Variants in WAPL observed in about 807,000 individuals in gnomAD.
The protein encoded by WAPL is wings apart-like protein homolog.
A neutral mutation model predicts 121.0 loss-of-function variants in WAPL; 5 were observed. That is an observed-to-expected ratio of 0.04 (90% confidence interval 0.02 to 0.09). WAPL has a LOEUF of 0.09. Among genes scored for constraint, WAPL ranks in the 10% least tolerant of loss-of-function variants. WAPL has a pLI of 1.00. For synonymous variants in WAPL, 480 were observed against 481.5 expected (o/e 1.00, Z 0.04); for missense variants, 999 against 1,410.8 (o/e 0.71, Z 4.68).
intron 9 of WAPL, among the ~76,000 whole-genome samples, chr10:86,464,228 A>G (rs959628041): frequency 1.3e-5 from 2 of 152,336 alleles, no homozygotes; most frequent in South Asian, 2.1e-4. Flanking sequence ...ATTAGTGGGG[A>G]AAAGAGGAAT....
intron 16 of WAPL, 170 bp from the exon 17 acceptor site, chr10:86,443,533 G>A (rs1035968133): frequency 1.7e-4 from 82 of 489,774 alleles, no homozygotes; most frequent in Non-Finnish European, 1.8e-4. Context: ...ATGAAATAGG[G>A]ATCCAAAAGA....
At chr10:86,473,402 CATTCTGGAGAAA>C (rs540112623) in intron 5 of WAPL, among the ~76,000 whole-genome samples, 1 of 152,296 alleles carries the variant, frequency 6.6e-6, no homozygotes, top group East Asian at 1.9e-4. Context: ...TATTACCAGT[CATTCTGGAGAAA>C]ATAAGTTGCT....
At chr10:86,450,634 C>G (rs1467284234) in intron 15 of WAPL, among the ~76,000 whole-genome samples, 1 of 152,196 alleles carries the variant, frequency 6.6e-6, no homozygotes, top group East Asian at 1.9e-4. Flanking sequence ...AATGAAATCT[C>G]TAAATGGTAT....
At chr10:86,511,038 G>A (rs994500745) in intron 2 of WAPL, among the ~76,000 whole-genome samples, 5 of 151,822 alleles carry the variant, frequency 3.3e-5, no homozygotes, top group African/African-American at 1.2e-4. Flanking sequence ...ATGTTGACCA[G>A]GCTGGTTTTG....
intron 2 of WAPL, among the ~76,000 whole-genome samples, chr10:86,503,093 G>C (rs1056586782): frequency 6.6e-6 from 1 of 152,150 alleles, no homozygotes; most frequent in African/African-American, 2.4e-5. Flanking sequence ...GGGAGGCAGA[G>C]GTTGCAGTGA....
chr10:86,481,321 A>G (rs1695116625), intron 4 of WAPL, among the ~76,000 whole-genome samples: 1 of 152,188 alleles, frequency 6.6e-6, no homozygotes, highest in African/African-American at 2.4e-5. Flanking sequence ...ACTAAATTTT[A>G]AAGGAGAGAC....
Position 86,500,177 on chromosome 10 carries a change from T to C in WAPL, c.1066A>G (p.Arg356Gly), listed in dbSNP as rs1842220211. The C allele has an allele frequency of 6.2e-7, 1 of 1,614,204 alleles. No homozygotes were observed. Among genetic ancestry groups the C allele is most frequent in the Non-Finnish European group, 8.5e-7 (1 of 1,180,036 alleles). The change falls in exon 3 of 19, where the codon AGA (arginine) becomes GGA (glycine). Residue 356 changes from arginine (R) to glycine (G), a missense_variant. Physicochemically the swap from Arg to Gly is moderately radical, Grantham distance 125. Coordinates refer to ENST00000298767, the MANE Select transcript of WAPL (RefSeq NM_015045.5). ...TSFRGTVGRT[R>G]DYTVLHPSCL... ...GATGGATGTAAAACAGTGTAATCTC[T>C]AGTCCGTCCAACTGTCCCTCTAAAA...
rs1180592348 is a variant in WAPL, at chr10:86,461,294, A to T, written c.2371-7T>A. ...CCATAGCTAAATGCCCAGTCTAAAA[A>T]CCAGAAGCATCATTAATGAATATCA... On this transcript the variant is annotated splice_region_variant and splice_polypyrimidine_tract_variant and intron_variant, in intron 9 of 18. Transcript: ENST00000298767. 2 of 1,594,136 alleles carry T rather than the reference A, an allele frequency of 1.3e-6. No homozygotes were observed. The highest frequency in any genetic ancestry group is 1.7e-6 in the Non-Finnish European group (2 of 1,169,418).
At chr10:86,461,764 AT>A (rs1480746730) in intron 9 of WAPL, among the ~76,000 whole-genome samples, 1 of 152,162 alleles carries the variant, frequency 6.6e-6, no homozygotes, top group African/African-American at 2.4e-5. Context: ...TTTTGTTTGT[AT>A]TTTTACAACG....
rs1162134768 is a variant in WAPL at position 86,518,024 on chromosome 10, C to G, written c.46G>C (p.Gly16Arg). ...AAGACTTCATCGAATTTTGAACTGC[C>G]ATTTCCACCTTTCCTACTGTATGTT... ...GKTYSRKGGN[G>R]SSKFDEVFSN... Residue 16 changes from glycine (G) to arginine (R), a missense_variant, in exon 2 of 19, where the codon GGC becomes CGC. Gly to Arg is a moderately radical substitution (Grantham distance 125, BLOSUM62 -2). This residue lies in a region of WAPL where 30 missense variants were observed against 56.4 expected (regional missense o/e 0.53). Transcript: ENST00000298767. 1 of 1,614,020 alleles carries G rather than the reference C, an allele frequency of 6.2e-7. No homozygotes were observed. The highest frequency in any genetic ancestry group is 8.5e-7 in the Non-Finnish European group (1 of 1,180,032).
At chr10:86,455,697 G>GAACAAAAAAAAAAAAAAAAAAAAAAAA (rs1841127415) in intron 12 of WAPL, among the ~76,000 whole-genome samples, 1 of 131,338 alleles carries the variant, frequency 7.6e-6, no homozygotes, top group Non-Finnish European at 1.6e-5. Context: ...AAAAAAAAAA[G>GAACAAAAAAAAAAAAAAAAAAAAAAAA]AAAGAAAGAA....
chr10:86,444,736 T>C (rs1221558094), intron 16 of WAPL, among the ~76,000 whole-genome samples: 3 of 151,778 alleles, frequency 2.0e-5, no homozygotes, highest in Non-Finnish European at 4.4e-5. Flanking sequence ...AAAACAATAT[T>C]TGGAATTAGT....
intron 11 of WAPL, among the ~76,000 whole-genome samples, chr10:86,460,096 G>C (rs932649667): frequency 1.3e-5 from 2 of 152,218 alleles, no homozygotes; most frequent in African/African-American, 4.8e-5. Flanking sequence ...CTGGGTGACA[G>C]AGTGAGACTC....
At chr10:86,466,949 C>T (rs1015583285) in intron 9 of WAPL, 94 of 252,186 alleles carry the variant, frequency 3.7e-4, no homozygotes, top group African/African-American at 2.0e-3. Context: ...AATCCACCTG[C>T]CTTGGCCTCT....
chr10:86,510,543 T>C (rs1842442869), intron 2 of WAPL, among the ~76,000 whole-genome samples: 1 of 152,206 alleles, frequency 6.6e-6, no homozygotes, highest in South Asian at 2.1e-4. Flanking sequence ...TTTTACCCCA[T>C]AGCTGGTATT....
intron 3 of WAPL, 94 bp from the exon 4 acceptor site, chr10:86,497,413 T>C (rs1481059893): frequency 1.1e-6 from 1 of 931,002 alleles, no homozygotes; most frequent in Non-Finnish European, 1.7e-6. Flanking sequence ...TGAATGAAAA[T>C]GGGAAGAAAA....
At chr10:86,483,074 T>C (rs1322932853) in intron 4 of WAPL, among the ~76,000 whole-genome samples, 3 of 152,212 alleles carry the variant, frequency 2.0e-5, no homozygotes, top group African/African-American at 2.4e-5. Flanking sequence ...AGGCGAGTGT[T>C]TGTAGTGATG....
intron 4 of WAPL, among the ~76,000 whole-genome samples, chr10:86,492,574 C>T (rs1842071560): frequency 6.6e-6 from 1 of 152,134 alleles, no homozygotes; most frequent in Admixed American, 6.5e-5. Flanking sequence ...ATACACAATG[C>T]AACCGGTGAA....
At chr10:86,455,604 T>G (rs1431154311) in intron 12 of WAPL, among the ~76,000 whole-genome samples, 1 of 149,712 alleles carries the variant, frequency 6.7e-6, no homozygotes, top group Non-Finnish European at 1.5e-5. Context: ...GTTTATCTGC[T>G]GACCTTCCCT....
Sources: allele counts gnomAD v4.1 joint callset (sites outside exome capture counted in the v4.1 genomes callset), GRCh38; gene constraint gnomAD v4.1.1; regional missense constraint gnomAD v4.1.1; transcripts MANE v1.5; gene names NCBI Gene and HGNC (gene_info 2026-07-23, HGNC 2026-07-21).